Variants in SMOC2 observed in about 807,000 individuals in gnomAD.
The protein encoded by SMOC2 is SPARC-related modular calcium-binding protein 2.
In SMOC2, 39 loss-of-function variants were observed where a neutral mutation model predicts 61.4. The ratio of observed to expected loss-of-function variants is 0.64; its 90% confidence interval spans 0.49 to 0.83. The LOEUF (loss-of-function observed/expected upper bound fraction) is 0.83, where lower values mean the gene tolerates loss of function less well. SMOC2 is among the 40% of genes least tolerant of loss of function. The pLI is 0.00. For missense variants in SMOC2, 556 were observed against 592.9 expected (o/e 0.94, Z 0.65); for synonymous variants, 247 against 239.9 (o/e 1.03, Z -0.27).
intron 7 of SMOC2, among the ~76,000 whole-genome samples, chr6:168,571,903 C>G (rs184714086): frequency 0.031 from 1,751 of 56,546 alleles, 53 homozygotes; most frequent in African/African-American, 0.083. Context: ...GGGCTGCGTG[C>G]TCCCTGAACG....
chr6:168,581,902 C>T (rs1216881769), intron 7 of SMOC2, among the ~76,000 whole-genome samples: 1 of 152,222 alleles, frequency 6.6e-6, no homozygotes, highest in African/African-American at 2.4e-5. Flanking sequence ...CCTTCAGCCT[C>T]AGCTCTGAAG....
At chr6:168,617,467 G>C (rs925384274) in intron 9 of SMOC2, among the ~76,000 whole-genome samples, 4 of 152,042 alleles carry the variant, frequency 2.6e-5, no homozygotes, top group African/African-American at 9.7e-5. Context: ...CTCTGAAGAC[G>C]GGGCAGGAAG....
intron 4 of SMOC2, among the ~76,000 whole-genome samples, chr6:168,541,257 G>C (rs1783871775): frequency 6.6e-6 from 1 of 152,166 alleles, no homozygotes; most frequent in Admixed American, 6.5e-5. Context: ...CCAAGGCTGA[G>C]GGGGATCACT....
At chr6:168,559,852 T>C (rs1784355614) in intron 7 of SMOC2, among the ~76,000 whole-genome samples, 3 of 152,364 alleles carry the variant, frequency 2.0e-5, no homozygotes, top group Admixed American at 2.0e-4. Flanking sequence ...ATACAATTAA[T>C]GAAATCATCT....
intron 11 of SMOC2, chr6:168,655,263 C>T (rs897509978): frequency 1.6e-5 from 6 of 386,080 alleles, no homozygotes; most frequent in Non-Finnish European, 3.1e-5. Context: ...ACCTGAGCTC[C>T]AACTAAACGT....
At chr6:168,646,409 C>A (rs995962329) in intron 9 of SMOC2, among the ~76,000 whole-genome samples, 2 of 152,064 alleles carry the variant, frequency 1.3e-5, no homozygotes, top group South Asian at 2.1e-4. Flanking sequence ...TTCCAGGTTA[C>A]GGGAAGGAAG....
chr6:168,624,048 C>T (rs1232025128), intron 9 of SMOC2, among the ~76,000 whole-genome samples: 1 of 152,224 alleles, frequency 6.6e-6, no homozygotes, highest in African/African-American at 2.4e-5. Flanking sequence ...ACAGAAGCCC[C>T]TGACTTCCCA....
intron 2 of SMOC2, among the ~76,000 whole-genome samples, chr6:168,518,998 C>T (rs1381075921): frequency 1.4e-5 from 2 of 146,546 alleles, no homozygotes; most frequent in Non-Finnish European, 1.5e-5. Context: ...TGTATGCGTG[C>T]ATGTGTGAGT....
At chr6:168,520,647 C>G (rs772687104) in intron 2 of SMOC2, among the ~76,000 whole-genome samples, 11 of 152,264 alleles carry the variant, frequency 7.2e-5, no homozygotes, top group Non-Finnish European at 1.6e-4. Flanking sequence ...CAGTCATTAC[C>G]TGTGTCCCAA....
intron 1 of SMOC2, among the ~76,000 whole-genome samples, chr6:168,455,868 G>A (rs910977953): frequency 2.6e-5 from 4 of 152,204 alleles, no homozygotes; most frequent in African/African-American, 9.6e-5. Context: ...TCAAAACCTC[G>A]TATCTCAACA....
At chr6:168,574,742 C>G (rs2342633) in intron 7 of SMOC2, among the ~76,000 whole-genome samples, 12,873 of 152,132 alleles carry the variant, frequency 0.085, 845 homozygotes, top group East Asian at 0.18. Context: ...CTCTGTCCTT[C>G]CCGACCTCCC....
At chr6:168,663,996 C>T (rs1787587407) in intron 11 of SMOC2, 78 bp from the exon 12 acceptor site, 1 of 1,262,718 alleles carries the variant, frequency 7.9e-7, no homozygotes, top group Admixed American at 2.0e-5. Context: ...ATGTGGACTC[C>T]TTCCTGAAAT....
intron 8 of SMOC2, among the ~76,000 whole-genome samples, chr6:168,599,977 CCA>C (rs201910070): frequency 2.6e-5 from 4 of 151,212 alleles, no homozygotes; most frequent in Non-Finnish European, 4.4e-5. Context: ...CATACTCTCC[CCA>C]CACACACACT....
In SMOC2 at chr6:168,647,395, TCA is replaced by T. The variant is rs1227111180; in HGVS notation, c.908-3280_908-3279del. On this transcript the variant is annotated intron_variant, in intron 9 of 12. Coordinates refer to ENST00000356284, the MANE Select transcript of SMOC2 (RefSeq NM_001166412.2). Reference sequence around the variant, plus strand: ...CAGCGGGCAGCTTCCCCAGCCTGAATCACACACCACAAAATGCCAGAGCAAAG... The same window carrying T: ...CAGCGGGCAGCTTCCCCAGCCTGAATCACACCACAAAATGCCAGAGCAAAG... Among the ~76,000 whole-genome samples, 3 of 152,268 alleles carry T rather than the reference TCA, an allele frequency of 2.0e-5. No individual in the cohort carries two copies. In the East Asian group the frequency reaches 5.8e-4, roughly 30 times the overall value.
chr6:168,443,830 C>T (rs1282957444), intron 1 of SMOC2, among the ~76,000 whole-genome samples: 3 of 152,212 alleles, frequency 2.0e-5, no homozygotes, highest in Admixed American at 1.3e-4. Flanking sequence ...GTGGGACCCA[C>T]AGCTTAGGGT....
At chr6:168,500,672 C>G (rs571641161) in intron 1 of SMOC2, among the ~76,000 whole-genome samples, 1 of 152,140 alleles carries the variant, frequency 6.6e-6, no homozygotes, top group African/African-American at 2.4e-5. Flanking sequence ...CTGCTGGACT[C>G]CAAGGCCATG....
chr6:168,468,482 C>G (rs1781894494), intron 1 of SMOC2, among the ~76,000 whole-genome samples: 1 of 152,244 alleles, frequency 6.6e-6, no homozygotes, highest in Admixed American at 6.5e-5. Flanking sequence ...CTTCTCCCTG[C>G]CATGGGCAGT....
intron 9 of SMOC2, among the ~76,000 whole-genome samples, chr6:168,635,870 C>A (rs79564313): frequency 1.3e-3 from 174 of 136,904 alleles, no homozygotes; most frequent in Middle Eastern, 3.8e-3. Flanking sequence ...GACTCTGTCT[C>A]AAAAAAAAAA....
At chr6:168,558,923 G>T (rs1421727049) in intron 7 of SMOC2, among the ~76,000 whole-genome samples, 2 of 152,026 alleles carry the variant, frequency 1.3e-5, no homozygotes, top group African/African-American at 2.4e-5. Context: ...ATGTGTGCTT[G>T]TGCGCACGTG....
Sources: allele counts gnomAD v4.1 joint callset (sites outside exome capture counted in the v4.1 genomes callset), GRCh38; gene constraint gnomAD v4.1.1; transcripts MANE v1.5; gene names NCBI Gene and HGNC (gene_info 2026-07-23, HGNC 2026-07-21).